The following ATP8A2 variants were observed in gnomAD, a reference collection of about 807,000 sequenced individuals.
ATP8A2 encodes the protein phospholipid-transporting ATPase IB.
In ATP8A2, 100 loss-of-function variants were observed where a neutral mutation model predicts 165.6. The observed-to-expected ratio is 0.60, with a 90% CI of 0.51 to 0.71. ATP8A2 has a LOEUF of 0.71. Among genes scored for constraint, ATP8A2 ranks in the 30% least tolerant of loss-of-function variants. ATP8A2 has a pLI of 0.00. For missense variants in ATP8A2, 1,227 were observed against 1,479.5 expected, an observed-to-expected ratio of 0.83 and a Z score of 2.80; for synonymous variants, 543 against 548.8, an observed-to-expected ratio of 0.99 and a Z score of 0.15.
At chr13:25,980,395 C>G (rs1439661377) in intron 35 of ATP8A2, among the ~76,000 whole-genome samples, 1 of 152,084 alleles carries the variant, frequency 6.6e-6, no homozygotes, top group East Asian at 1.9e-4. Context: ...GGCAGTCAAC[C>G]AAGAGGAGAT....
chr13:25,759,969 C>T (rs561869774), intron 25 of ATP8A2, among the ~76,000 whole-genome samples: 4 of 152,170 alleles, frequency 2.6e-5, no homozygotes, highest in Non-Finnish European at 5.9e-5. Context: ...TTGTCACAGA[C>T]GCAAGTACCG....
At chr13:25,590,825 C>T (rs2040052436) in intron 24 of ATP8A2, among the ~76,000 whole-genome samples, 1 of 152,162 alleles carries the variant, frequency 6.6e-6, no homozygotes, top group East Asian at 1.9e-4. Flanking sequence ...CACCAGGATA[C>T]TCTCTACCCC....
rs1555291024 is a variant in ATP8A2, at chr13:25,531,148, T to TTATATATATGA, written c.420+496_420+506dup. ...ATTTGTGTGTGTGTGTATATATATG[T>TTATATATATGA]TATATATATGATATATATGTTATAT... On this transcript the variant is annotated intron_variant, in intron 4 of 36. Transcript: ENST00000381655. Among the ~76,000 whole-genome samples, 302 of 134,294 alleles carry TTATATATATGA rather than the reference T, an allele frequency of 2.2e-3. 6 individuals carry two copies. Among genetic ancestry groups the TTATATATATGA allele is most frequent in the African/African-American group, 7.5e-3 (261 of 34,608 alleles). 88.1% of individuals were successfully genotyped at this position (134,294 alleles called of 152,430 possible).
At chr13:25,430,931 A>G (rs184937544) in intron 1 of ATP8A2, among the ~76,000 whole-genome samples, 10 of 152,078 alleles carry the variant, frequency 6.6e-5, no homozygotes, top group Non-Finnish European at 2.9e-5. Context: ...AAGCATGATT[A>G]TAACTCAAGG....
At chr13:25,649,108 G>A (rs1481605222) in intron 24 of ATP8A2, 1 of 464,056 alleles carries the variant, frequency 2.2e-6, no homozygotes. Context: ...TGGTGTTTGT[G>A]TACTTGAGAT....
At chr13:25,931,268 T>C (rs1381078149) in intron 33 of ATP8A2, among the ~76,000 whole-genome samples, 1 of 152,214 alleles carries the variant, frequency 6.6e-6, no homozygotes, top group Admixed American at 6.5e-5. Flanking sequence ...CTGTGAGGTA[T>C]ATATGAAATG....
At chr13:25,480,517 G>A (rs1197462587) in intron 2 of ATP8A2, among the ~76,000 whole-genome samples, 3 of 150,906 alleles carry the variant, frequency 2.0e-5, no homozygotes, top group Non-Finnish European at 3.0e-5. Flanking sequence ...CATCCCAGAC[G>A]GGGCGGCGGG....
intron 35 of ATP8A2, among the ~76,000 whole-genome samples, chr13:25,986,722 C>G (rs1195863210): frequency 6.6e-6 from 1 of 152,070 alleles, no homozygotes; most frequent in Non-Finnish European, 1.5e-5. Context: ...ATGTATATAC[C>G]CGGGACTAGG....
intron 24 of ATP8A2, chr13:25,648,904 A>G: frequency 2.3e-6 from 1 of 434,572 alleles, no homozygotes; most frequent in Admixed American, 2.5e-5. Flanking sequence ...TGTGGAACCC[A>G]TGAATATGGC....
chr13:25,578,946 T>A lies in ATP8A2; in HGVS notation c.1867+47T>A, dbSNP rs370989564. 1.0e-4 allele frequency: 128 copies of A among 1,219,504 alleles called. 1 individual carries two copies. Among genetic ancestry groups the A allele is most frequent in the Admixed American group, 1.9e-4 (11 of 59,456 alleles). The allele number at this position is 1,219,504 out of a possible 1,614,324, so 75.5% of individuals were successfully genotyped here. A position where few individuals can be genotyped will look rare whatever the true frequency, so the allele number is the denominator to read the frequency against. On this transcript the variant is annotated intron_variant, in intron 21 of 36. Transcript: ENST00000381655. ...TGTTTTTGGCCATTGGAGCTGTACTTTCAAGCATGTTGTCTTGATTTCCAG... is the reference window on the plus strand; with the variant it reads ...TGTTTTTGGCCATTGGAGCTGTACTATCAAGCATGTTGTCTTGATTTCCAG...
intron 33 of ATP8A2, among the ~76,000 whole-genome samples, chr13:25,908,807 C>T (rs1438755460): frequency 6.6e-6 from 1 of 152,214 alleles, no homozygotes; most frequent in Non-Finnish European, 1.5e-5. Context: ...TCCATGACTT[C>T]CACAGCATTT....
chr13:25,569,545 C>T (rs1030827298), intron 16 of ATP8A2, among the ~76,000 whole-genome samples: 2 of 152,112 alleles, frequency 1.3e-5, no homozygotes, highest in Admixed American at 6.6e-5. Flanking sequence ...AAAATAACCC[C>T]AGGACAAGGA....
chr13:25,873,407 T>C (rs1267602821), intron 33 of ATP8A2, among the ~76,000 whole-genome samples: 1 of 152,220 alleles, frequency 6.6e-6, no homozygotes, highest in African/African-American at 2.4e-5. Context: ...TGGGTCATAC[T>C]TGTGTCACAC....
intron 25 of ATP8A2, among the ~76,000 whole-genome samples, chr13:25,753,710 C>CCACA (rs1448958172): frequency 2.0e-5 from 3 of 152,154 alleles, no homozygotes; most frequent in Admixed American, 2.0e-4. Context: ...GAACTGGCAG[C>CCACA]CACATGACAG....
chr13:25,419,723 A>T (rs2034243591), intron 1 of ATP8A2, among the ~76,000 whole-genome samples: 1 of 152,208 alleles, frequency 6.6e-6, no homozygotes, highest in Non-Finnish European at 1.5e-5. Flanking sequence ...ATCTTGCTTC[A>T]GGGAATTTAT....
intron 33 of ATP8A2, among the ~76,000 whole-genome samples, chr13:25,890,006 C>T (rs760219303): frequency 2.6e-5 from 4 of 151,782 alleles, no homozygotes; most frequent in Non-Finnish European, 5.9e-5. Flanking sequence ...AATAAAAATA[C>T]AAAAAATTAG....
At position 25,696,210 on chromosome 13, in the gene ATP8A2, G is replaced by A. The variant is rs111362554; in HGVS notation, c.2212-2963G>A. The stretch of plus-strand genomic sequence containing the variant: ...GGTCTTAACAGTGGGCTTAATGTTC[G>A]GTAAACCATTCTATAAACAGATGTG... On this transcript the variant is annotated intron_variant, in intron 24 of 36. Coordinates refer to ENST00000381655, the MANE Select transcript of ATP8A2 (RefSeq NM_016529.6). 3.3e-3 allele frequency among the ~76,000 whole-genome samples: 496 copies of A among 152,202 alleles called. 3 individuals carry two copies. The highest frequency in any genetic ancestry group is 0.011 in the African/African-American group (476 of 41,546).
intron 24 of ATP8A2, among the ~76,000 whole-genome samples, chr13:25,657,866 C>G (rs1290294134): frequency 6.6e-6 from 1 of 152,064 alleles, no homozygotes; most frequent in Non-Finnish European, 1.5e-5. Context: ...GAAACCTGGC[C>G]CAGAAGTAGC....
rs548616424 is a variant in ATP8A2 at position 25,820,949 on chromosome 13, G to T, written c.2680-7169G>T. On this transcript the variant is annotated intron_variant, in intron 27 of 36. Transcript: ENST00000381655. The stretch of plus-strand genomic sequence containing the variant: ...TTTTGTTTATGTTGGCTTTGGGTTT[G>T]TTTTTTTTTTTCTCTACCAAGTAAA... 2.6e-3 allele frequency among the ~76,000 whole-genome samples: 375 copies of T among 144,760 alleles called. 3 individuals carry two copies. Among genetic ancestry groups the T allele is most frequent in the African/African-American group, 7.7e-3 (306 of 39,734 alleles). The allele number at this position is 144,760 out of a possible 152,430, so 95.0% of individuals were successfully genotyped here.
Sources: gnomAD v4.1 joint callset for allele counts (sites outside exome capture counted in the v4.1 genomes callset) on GRCh38, gnomAD v4.1.1 for gene constraint, MANE v1.5 for transcripts, NCBI Gene and HGNC (gene_info 2026-07-23, HGNC 2026-07-21) for gene names.